ELMO1: variants seen among roughly 807,000 people sequenced by gnomAD.
The protein encoded by ELMO1 is engulfment and cell motility protein 1.
ELMO1 carries 26 observed loss-of-function variants against 98.9 expected under a neutral mutation model. The observed-to-expected ratio is 0.26, with a 90% confidence interval of 0.19 to 0.36. The LOEUF (loss-of-function observed/expected upper bound fraction) is 0.36, where lower values mean the gene tolerates loss of function less well. ELMO1 is among the 10% of genes least tolerant of loss of function. ELMO1 has a pLI of 1.00. For missense variants in ELMO1, 627 were observed against 935.2 expected (o/e 0.67, Z 4.30); for synonymous variants, 346 against 346.0 (o/e 1.00, Z 0.00).
At chr7:37,301,336 A>G (rs1798332301) in intron 4 of ELMO1, among the ~76,000 whole-genome samples, 1 of 4,112 alleles carries the variant, frequency 2.4e-4, no homozygotes, top group Admixed American at 0.013. Flanking sequence ...TATATCAGAA[A>G]AAAAAAAAAC....
At chr7:37,364,799 A>T (rs958868406) in intron 1 of ELMO1, among the ~76,000 whole-genome samples, 1 of 152,214 alleles carries the variant, frequency 6.6e-6, no homozygotes, top group African/African-American at 2.4e-5. Flanking sequence ...TGATAGAAAG[A>T]TAACACAAAA....
At chr7:37,049,540 C>T (rs1243657428) in intron 15 of ELMO1, among the ~76,000 whole-genome samples, 1 of 151,998 alleles carries the variant, frequency 6.6e-6, no homozygotes, top group Non-Finnish European at 1.5e-5. Context: ...CTGCTGTATC[C>T]TTCTCTCTAG....
intron 1 of ELMO1, among the ~76,000 whole-genome samples, chr7:37,370,883 AGCCTTCAACACAGCAT>A (rs1802089791): frequency 1.3e-5 from 2 of 152,206 alleles, no homozygotes; most frequent in African/African-American, 4.8e-5. Flanking sequence ...AGGTGTGTGT[AGCCTTCAACACAGCAT>A]CTCCTCTCCT....
At chr7:37,037,464 G>A (rs1795252740) in intron 15 of ELMO1, among the ~76,000 whole-genome samples, 1 of 152,176 alleles carries the variant, frequency 6.6e-6, no homozygotes, top group Non-Finnish European at 1.5e-5. Flanking sequence ...TAATTGAGCT[G>A]CTACCTAGGA....
At position 37,064,180 on chromosome 7, in the gene ELMO1, T is replaced by C. The variant is rs529435532; in HGVS notation, c.1300+32439A>G. On this transcript the variant is annotated intron_variant, in intron 15 of 21. Transcript: ENST00000310758. ...TTGACACTGCCTGGGCATTTTCTCG[T>C]GTTCCTCTAGACATCCTGCTCTCAC... is the stretch of plus-strand genomic sequence containing the variant. 1.9e-4 allele frequency among the ~76,000 whole-genome samples: 29 copies of C among 152,272 alleles called. No homozygotes were observed. In the South Asian group the frequency reaches 6.0e-3, roughly 32 times the overall value.
At chr7:37,157,385 T>G (rs1011687316) in intron 13 of ELMO1, among the ~76,000 whole-genome samples, 9 of 152,186 alleles carry the variant, frequency 5.9e-5, no homozygotes, top group African/African-American at 2.2e-4. Flanking sequence ...TGTCTCTGCT[T>G]GCAGATGACA....
At chr7:37,426,266 G>C (rs1804705427) in intron 1 of ELMO1, among the ~76,000 whole-genome samples, 1 of 144,120 alleles carries the variant, frequency 6.9e-6, no homozygotes, top group Non-Finnish European at 1.5e-5. Flanking sequence ...CGATTCTCCT[G>C]CCTCAGCCTC....
At chr7:37,259,960 A>C (rs1795897052) in intron 5 of ELMO1, among the ~76,000 whole-genome samples, 1 of 152,184 alleles carries the variant, frequency 6.6e-6, no homozygotes, top group Admixed American at 6.5e-5. Flanking sequence ...AAAACTAAAT[A>C]ATTAGGAAAC....
chr7:37,103,678 A>T (rs1784770383), intron 14 of ELMO1, among the ~76,000 whole-genome samples: 1 of 152,040 alleles, frequency 6.6e-6, no homozygotes, highest in Non-Finnish European at 1.5e-5. Flanking sequence ...AAAGTATAAT[A>T]AAAAATATTA....
chr7:37,256,794 G>A (rs1314283068), intron 6 of ELMO1, among the ~76,000 whole-genome samples: 2 of 149,054 alleles, frequency 1.3e-5, no homozygotes, highest in East Asian at 2.0e-4. Context: ...GGAGAAGGGA[G>A]GGAGGGAAAG....
intron 7 of ELMO1, among the ~76,000 whole-genome samples, chr7:37,242,779 T>C (rs1038703173): frequency 3.3e-4 from 50 of 152,222 alleles, no homozygotes; most frequent in African/African-American, 1.2e-3. Context: ...TCGTCTTTCA[T>C]AGATTCCCTC....
intron 13 of ELMO1, among the ~76,000 whole-genome samples, chr7:37,200,944 A>AT (rs1161043670): frequency 2.2e-5 from 3 of 135,344 alleles, no homozygotes; most frequent in Non-Finnish European, 4.7e-5. Flanking sequence ...CTCTGTCTCA[A>AT]TAAAAAAAAA....
chr7:36,925,810 G>GT (rs1167400240), intron 16 of ELMO1, among the ~76,000 whole-genome samples: 1 of 152,162 alleles, frequency 6.6e-6, no homozygotes, highest in East Asian at 1.9e-4. Context: ...ACAAATGTCT[G>GT]TGAGGGCTGC....
intron 19 of ELMO1, among the ~76,000 whole-genome samples, chr7:36,871,189 G>C (rs1803471388): frequency 6.6e-6 from 1 of 152,212 alleles, no homozygotes; most frequent in Non-Finnish European, 1.5e-5. Flanking sequence ...GTTGGCGGAA[G>C]ATAAGAAAAG....
chr7:37,341,669 C>A (rs1002738266), intron 2 of ELMO1, among the ~76,000 whole-genome samples: 8 of 152,214 alleles, frequency 5.3e-5, no homozygotes, highest in African/African-American at 1.7e-4. Flanking sequence ...ATATAACTCT[C>A]GCATTGATCT....
rs35978411 is a variant in ELMO1, at chr7:37,293,715, T to TAA, written c.192+21133_192+21134dup. On this transcript the variant is annotated intron_variant, in intron 4 of 21. Transcript: ENST00000310758. ...GTAAGAAACACCCAAGAATGATCAA[T>TAA]AAAAAAAAAAATAATAATAATAATA... Among the ~76,000 whole-genome samples, 40 of 65,588 alleles carry TAA rather than the reference T, an allele frequency of 6.1e-4. 4 individuals carry two copies. The highest frequency in any genetic ancestry group is 1.4e-3 in the Admixed American group (9 of 6,416). The allele number at this position is 65,588 out of a possible 152,430, so 43.0% of individuals were successfully genotyped here.
intron 13 of ELMO1, among the ~76,000 whole-genome samples, chr7:37,147,311 T>C (rs1437208541): frequency 6.6e-6 from 1 of 152,136 alleles, no homozygotes; most frequent in Admixed American, 6.5e-5. Context: ...CCCTCTCTGA[T>C]GGACATCCTC....
intron 16 of ELMO1, among the ~76,000 whole-genome samples, chr7:36,934,008 C>T (rs1786282010): frequency 6.6e-6 from 1 of 152,156 alleles, no homozygotes; most frequent in Admixed American, 6.5e-5. Context: ...TGTGCTGATA[C>T]AGGCTCTCCC....
intron 1 of ELMO1, among the ~76,000 whole-genome samples, chr7:37,447,810 C>A (rs1805703066): frequency 2.0e-5 from 3 of 152,058 alleles, no homozygotes; most frequent in African/African-American, 7.2e-5. Context: ...CACGCGCGCA[C>A]CCCCGGGACA....
Sources: gnomAD v4.1 joint callset for allele counts (sites outside exome capture counted in the v4.1 genomes callset) on GRCh38, gnomAD v4.1.1 for gene constraint, MANE v1.5 for transcripts, NCBI Gene and HGNC (gene_info 2026-07-23, HGNC 2026-07-21) for gene names.